EPHA5: variants seen among roughly 807,000 people sequenced by gnomAD.
The protein encoded by EPHA5 is EPH receptor A5, also known as ephrin type-A receptor 5.
Under a neutral mutation model 105.0 loss-of-function variants are expected in EPHA5, and 60 were observed. The ratio of observed to expected loss-of-function variants is 0.57; its 90% confidence interval spans 0.46 to 0.71. The LOEUF (loss-of-function observed/expected upper bound fraction) is 0.71, where lower values mean the gene tolerates loss of function less well. EPHA5 is among the 30% of genes least tolerant of loss of function. The pLI, the probability that EPHA5 is intolerant of heterozygous loss-of-function variation, is 0.00. For synonymous variants in EPHA5, 513 were observed against 449.1 expected, an observed-to-expected ratio of 1.14 and a Z score of -1.80; for missense variants, 1,218 against 1,274.7, an observed-to-expected ratio of 0.96 and a Z score of 0.68.
At chr4:65,538,466 A>G (rs1736508278) in intron 3 of EPHA5, among the ~76,000 whole-genome samples, 1 of 151,776 alleles carries the variant, frequency 6.6e-6, no homozygotes, top group Admixed American at 6.6e-5. Context: ...ATTTATTCCA[A>G]AAGTCATCGT....
intron 3 of EPHA5, among the ~76,000 whole-genome samples, chr4:65,585,317 A>C (rs891007406): frequency 7.9e-5 from 12 of 151,912 alleles, no homozygotes; most frequent in African/African-American, 2.9e-4. Flanking sequence ...AAAACAACAC[A>C]AAGTAAAGTA....
intron 3 of EPHA5, among the ~76,000 whole-genome samples, chr4:65,525,888 C>A (rs1735180643): frequency 1.3e-5 from 2 of 151,700 alleles, no homozygotes; most frequent in African/African-American, 2.4e-5. Flanking sequence ...TTTTAAAAAT[C>A]TTTTGGTAGG....
intron 3 of EPHA5, among the ~76,000 whole-genome samples, chr4:65,557,463 T>C (rs933405739): frequency 1.3e-5 from 2 of 151,880 alleles, no homozygotes; most frequent in Non-Finnish European, 2.9e-5. Flanking sequence ...CAAATATTTA[T>C]AGGGTATCAT....
At chr4:65,468,989 T>C (rs1271060575) in intron 5 of EPHA5, among the ~76,000 whole-genome samples, 2 of 152,010 alleles carry the variant, frequency 1.3e-5, no homozygotes, top group Non-Finnish European at 1.5e-5. Context: ...ATCACAGTGA[T>C]AGGTTTTGTG....
At chr4:65,555,249 G>A (rs1738312223) in intron 3 of EPHA5, among the ~76,000 whole-genome samples, 1 of 151,902 alleles carries the variant, frequency 6.6e-6, no homozygotes, top group Non-Finnish European at 1.5e-5. Flanking sequence ...AACAAGAAAA[G>A]GCTATGGAAG....
At chr4:65,526,106 A>G (rs1735203967) in intron 3 of EPHA5, among the ~76,000 whole-genome samples, 1 of 151,878 alleles carries the variant, frequency 6.6e-6, no homozygotes, top group African/African-American at 2.4e-5. Context: ...GCATATATCA[A>G]ATATTGTTTT....
At chr4:65,456,707 A>C (rs891416935) in intron 5 of EPHA5, among the ~76,000 whole-genome samples, 1 of 128,192 alleles carries the variant, frequency 7.8e-6, no homozygotes, top group Non-Finnish European at 1.6e-5. Context: ...TGGAAAAATC[A>C]TACAAAATAA....
intron 1 of EPHA5, among the ~76,000 whole-genome samples, chr4:65,656,673 G>A (rs1010155362): frequency 2.0e-5 from 3 of 149,920 alleles, no homozygotes; most frequent in Admixed American, 1.3e-4. Flanking sequence ...AAGTGAAGAG[G>A]AGTGATCAGG....
At chr4:65,366,769 T>G (rs1717948224) in intron 9 of EPHA5, among the ~76,000 whole-genome samples, 1 of 152,006 alleles carries the variant, frequency 6.6e-6, no homozygotes, top group South Asian at 2.1e-4. Context: ...GTCACTCACT[T>G]GGCAAATCAA....
intron 3 of EPHA5, among the ~76,000 whole-genome samples, chr4:65,531,403 A>T (rs1363253286): frequency 6.6e-6 from 1 of 152,194 alleles, no homozygotes; most frequent in Admixed American, 6.5e-5. Flanking sequence ...GGTGATCCAG[A>T]AGTCATGCAG....
chr4:65,399,537 C>G (rs2148977154), intron 8 of EPHA5, among the ~76,000 whole-genome samples: 1 of 152,332 alleles, frequency 6.6e-6, no homozygotes, highest in African/African-American at 2.4e-5. Flanking sequence ...GTGACAAAAT[C>G]ATACATAAGG....
chr4:65,376,366 G>A (rs1219244267), intron 8 of EPHA5, among the ~76,000 whole-genome samples: 1 of 151,984 alleles, frequency 6.6e-6, no homozygotes, highest in Non-Finnish European at 1.5e-5. Context: ...AACCCCAGAT[G>A]TATATTTAGG....
intron 5 of EPHA5, among the ~76,000 whole-genome samples, chr4:65,444,606 C>G (rs959926036): frequency 6.6e-6 from 1 of 152,064 alleles, no homozygotes; most frequent in Non-Finnish European, 1.5e-5. Flanking sequence ...AGCCAGTGTA[C>G]TTTTATTGCC....
chr4:65,326,027 A>C (rs1030589598), intron 16 of EPHA5, among the ~76,000 whole-genome samples: 1 of 147,590 alleles, frequency 6.8e-6, no homozygotes, highest in African/African-American at 2.5e-5. Context: ...ATATATATAT[A>C]TCTCATATAT....
At chr4:65,468,612 TTA>T (rs1222527850) in intron 5 of EPHA5, among the ~76,000 whole-genome samples, 13 of 115,366 alleles carry the variant, frequency 1.1e-4, no homozygotes, top group African/African-American at 3.5e-4. Flanking sequence ...ATTATATATA[TTA>T]TATATATATG....
intron 6 of EPHA5, among the ~76,000 whole-genome samples, chr4:65,415,267 G>T (rs1723281547): frequency 6.6e-6 from 1 of 151,982 alleles, no homozygotes; most frequent in African/African-American, 2.4e-5. Context: ...TTTATATTCA[G>T]TTTCCTTATC....
At chr4:65,364,820 T>C (rs1560456567) in intron 11 of EPHA5, among the ~76,000 whole-genome samples, 197 bp downstream of exon 11, 1 of 151,618 alleles carries the variant, frequency 6.6e-6, no homozygotes, top group African/African-American at 2.4e-5. Flanking sequence ...GGTTAAAATA[T>C]ATATTTTAAA....
At position 65,537,191 on chromosome 4, in the gene EPHA5, A is replaced by T. The variant is rs191912912; in HGVS notation, c.911-41648T>A. On this transcript the variant is annotated intron_variant, in intron 3 of 16. Transcript: ENST00000613740. ...TAAGAAAATAGGATATGGGCCACTT[A>T]TTTTCCAATAGATTCTTTGTAACTC... Among the ~76,000 whole-genome samples, 721 of 151,900 alleles carry T rather than the reference A, an allele frequency of 4.7e-3. 5 individuals are homozygous for T. Among genetic ancestry groups the T allele is most frequent in the Non-Finnish European group, 8.0e-3 (544 of 67,754 alleles).
intron 3 of EPHA5, among the ~76,000 whole-genome samples, chr4:65,507,831 A>G (rs917408257): frequency 6.6e-6 from 1 of 152,046 alleles, no homozygotes; most frequent in Non-Finnish European, 1.5e-5. Flanking sequence ...CTGTGGATGA[A>G]TGGTATCTCA....
Sources: allele counts gnomAD v4.1 joint callset (sites outside exome capture counted in the v4.1 genomes callset), GRCh38; gene constraint gnomAD v4.1.1; transcripts MANE v1.5; gene names NCBI Gene and HGNC (gene_info 2026-07-23, HGNC 2026-07-21).